The following DLGAP2 variants were observed in gnomAD, a reference collection of about 807,000 sequenced individuals.
The protein encoded by DLGAP2 is DLG associated protein 2, also known as disks large-associated protein 2.
Under a neutral mutation model 100.3 loss-of-function variants are expected in DLGAP2, and 26 were observed. The ratio of observed to expected loss-of-function variants is 0.26; its 90% CI spans 0.19 to 0.36. The LOEUF is 0.36. Among genes scored for constraint, DLGAP2 ranks in the 10% least tolerant of loss-of-function variants. The pLI is 1.00. For synonymous variants in DLGAP2, 886 were observed against 630.1 expected (o/e 1.41, Z -6.08); for missense variants, 1,858 against 1,453.2 (o/e 1.28, Z -4.53).
intron 2 of DLGAP2, among the ~76,000 whole-genome samples, chr8:1,178,583 T>TG (rs1797311100): frequency 6.6e-6 from 1 of 151,202 alleles, no homozygotes; most frequent in African/African-American, 2.4e-5. Flanking sequence ...TAGACATCTC[T>TG]CTTTTTTTTA....
intron 2 of DLGAP2, among the ~76,000 whole-genome samples, chr8:1,033,550 C>G (rs1026627387): frequency 6.6e-6 from 1 of 152,172 alleles, no homozygotes; most frequent in Non-Finnish European, 1.5e-5. Flanking sequence ...TGCCTGTAGT[C>G]CCAGCTACTA....
chr8:1,695,998 C>T (rs544072964), intron 13 of DLGAP2, among the ~76,000 whole-genome samples: 3 of 152,316 alleles, frequency 2.0e-5, no homozygotes, highest in Non-Finnish European at 4.4e-5. Flanking sequence ...CTCAGCCGCG[C>T]GGAGGGCAGC....
intron 2 of DLGAP2, among the ~76,000 whole-genome samples, chr8:994,652 G>C (rs903819569): frequency 2.6e-5 from 4 of 152,162 alleles, no homozygotes; most frequent in African/African-American, 9.7e-5. Flanking sequence ...TGCCTTTTAA[G>C]ATGCATTTAC....
chr8:1,475,550 G>C (rs919787882), intron 3 of DLGAP2, among the ~76,000 whole-genome samples: 1 of 152,152 alleles, frequency 6.6e-6, no homozygotes, highest in Non-Finnish European at 1.5e-5. Flanking sequence ...ATCAATGAGC[G>C]GCTGGGAGTA....
At chr8:1,687,874 C>T (rs192486030) in intron 12 of DLGAP2, among the ~76,000 whole-genome samples, 39 of 152,256 alleles carry the variant, frequency 2.6e-4, no homozygotes, top group Non-Finnish European at 5.0e-4. Context: ...TCTGCAGCAA[C>T]GACTTACTTA....
chr8:1,627,533 C>T (rs1797536322), intron 7 of DLGAP2, among the ~76,000 whole-genome samples: 1 of 152,238 alleles, frequency 6.6e-6, no homozygotes, highest in Non-Finnish European at 1.5e-5. Context: ...GTCTAATCAT[C>T]CTATATTACA....
chr8:1,423,201 G>A (rs1468302175), intron 3 of DLGAP2, among the ~76,000 whole-genome samples: 1 of 152,156 alleles, frequency 6.6e-6, no homozygotes. Flanking sequence ...TCAACCAGCA[G>A]AGATTGAGTT....
intron 4 of DLGAP2, among the ~76,000 whole-genome samples, chr8:1,510,043 T>C (rs1335619325): frequency 6.6e-6 from 1 of 152,256 alleles, no homozygotes; most frequent in East Asian, 1.9e-4. Flanking sequence ...CATATTGCAG[T>C]AACTGAAAAC....
chr8:1,359,621 G>C (rs1000352517), intron 3 of DLGAP2, among the ~76,000 whole-genome samples: 3 of 152,250 alleles, frequency 2.0e-5, no homozygotes, highest in East Asian at 3.9e-4. Flanking sequence ...GGCTGATGCT[G>C]TCGGCGGCTG....
chr8:898,864 T>C (rs146664149), intron 1 of DLGAP2, among the ~76,000 whole-genome samples: 4 of 152,346 alleles, frequency 2.6e-5, no homozygotes, highest in African/African-American at 9.6e-5. Context: ...TGGATATCCC[T>C]GTTCACTGGA....
intron 3 of DLGAP2, among the ~76,000 whole-genome samples, chr8:1,340,014 A>T (rs143066737): frequency 3.3e-4 from 50 of 152,326 alleles, no homozygotes; most frequent in African/African-American, 1.1e-3. Flanking sequence ...TCCTTATTCA[A>T]TCCATGGTAC....
intron 1 of DLGAP2, among the ~76,000 whole-genome samples, chr8:855,086 C>T (rs1247410170): frequency 6.6e-6 from 1 of 152,118 alleles, no homozygotes; most frequent in African/African-American, 2.4e-5. Context: ...GAGGCGGGAG[C>T]AGGTCCTTGA....
chr8:1,273,158 G>C (rs1271091796), intron 3 of DLGAP2, among the ~76,000 whole-genome samples: 1 of 152,198 alleles, frequency 6.6e-6, no homozygotes, highest in Non-Finnish European at 1.5e-5. Context: ...GTCTCTGGAA[G>C]GTGTTTGTCT....
chr8:947,646 G>A (rs1303676799), intron 2 of DLGAP2, among the ~76,000 whole-genome samples: 1 of 152,168 alleles, frequency 6.6e-6, no homozygotes, highest in Non-Finnish European at 1.5e-5. Context: ...CACGCGCGGC[G>A]CTGTCTGCTC....
chr8:1,221,197 G>C (rs1176389548), intron 2 of DLGAP2, among the ~76,000 whole-genome samples: 5 of 152,278 alleles, frequency 3.3e-5, no homozygotes, highest in African/African-American at 1.2e-4. Flanking sequence ...AGTGTCAGTG[G>C]ACTATGTACT....
chr8:1,594,989 C>G (rs1209431071), intron 6 of DLGAP2, among the ~76,000 whole-genome samples: 1 of 152,238 alleles, frequency 6.6e-6, no homozygotes, highest in African/African-American at 2.4e-5. Flanking sequence ...CGCTTCCCAT[C>G]TTGAATCCAT....
chr8:782,579 A>G (rs887770650), intron 1 of DLGAP2, among the ~76,000 whole-genome samples: 1 of 152,202 alleles, frequency 6.6e-6, no homozygotes, highest in Non-Finnish European at 1.5e-5. Flanking sequence ...TTGAAAAGCA[A>G]ATGGGGGTTA....
At chr8:1,317,619 CAA>C (rs1451068814) in intron 3 of DLGAP2, among the ~76,000 whole-genome samples, 8 of 144,098 alleles carry the variant, frequency 5.6e-5, no homozygotes, top group Admixed American at 1.4e-4. Flanking sequence ...AGCGTCTCTC[CAA>C]CAGTGGTCTA....
chr8:1,355,684 A>T (rs1277818850), intron 3 of DLGAP2, among the ~76,000 whole-genome samples: 1 of 152,012 alleles, frequency 6.6e-6, no homozygotes, highest in Non-Finnish European at 1.5e-5. Context: ...TTTTTTAATG[A>T]AAAAATAAAA....
Sources: gnomAD v4.1 joint callset for allele counts (sites outside exome capture counted in the v4.1 genomes callset) on GRCh38, gnomAD v4.1.1 for gene constraint, MANE v1.5 for transcripts, NCBI Gene and HGNC (gene_info 2026-07-23, HGNC 2026-07-21) for gene names.